The following MYO18B variants were observed in gnomAD, a reference collection of about 807,000 sequenced individuals.
MYO18B encodes myosin XVIIIB.
Under a neutral mutation model 273.0 loss-of-function variants are expected in MYO18B, and 204 were observed. The ratio of observed to expected loss-of-function variants is 0.75; its 90% CI spans 0.67 to 0.84. MYO18B has a LOEUF of 0.84. MYO18B is among the 40% of genes least tolerant of loss of function. The pLI is 0.00. For missense variants in MYO18B, 3,212 were observed against 3,287.6 expected (o/e 0.98, Z 0.56); for synonymous variants, 1,330 against 1,305.7 (o/e 1.02, Z -0.40).
At chr22:25,803,031 T>C (rs5761214) in intron 12 of MYO18B, among the ~76,000 whole-genome samples, 9,872 of 150,992 alleles carry the variant, frequency 0.065, 560 homozygotes, top group East Asian at 0.2. Context: ...GCGCGATCTC[T>C]GCTCACTGCA....
At chr22:25,967,815 G>C (rs769931219) in intron 39 of MYO18B, among the ~76,000 whole-genome samples, 2 of 152,206 alleles carry the variant, frequency 1.3e-5, no homozygotes, top group Non-Finnish European at 2.9e-5. Flanking sequence ...TGAATTCGGT[G>C]TGCTGGGGTC....
At chr22:25,993,496 G>A (rs1932918566) in intron 40 of MYO18B, among the ~76,000 whole-genome samples, 1 of 152,196 alleles carries the variant, frequency 6.6e-6, no homozygotes, top group Non-Finnish European at 1.5e-5. Flanking sequence ...CTTCCTCTCT[G>A]CGAAGGCTGT....
chr22:25,894,490 AAC>A (rs1459868013), intron 27 of MYO18B, among the ~76,000 whole-genome samples: 2 of 152,236 alleles, frequency 1.3e-5, no homozygotes, highest in African/African-American at 4.8e-5. Context: ...TAATCAGTCA[AAC>A]AGTTTTAATC....
intron 34 of MYO18B, among the ~76,000 whole-genome samples, chr22:25,945,152 C>T (rs917035425): frequency 6.6e-6 from 1 of 152,196 alleles, no homozygotes; most frequent in Non-Finnish European, 1.5e-5. Context: ...TAAATGCTCA[C>T]ATGCAGAATA....
chr22:25,752,933 G>GCTTAGCAC (rs1206122494), intron 1 of MYO18B, among the ~76,000 whole-genome samples: 1 of 152,210 alleles, frequency 6.6e-6, no homozygotes, highest in Non-Finnish European at 1.5e-5. Flanking sequence ...ACAGTGAGGC[G>GCTTAGCAC]CTTAGCACCC....
intron 17 of MYO18B, among the ~76,000 whole-genome samples, chr22:25,839,572 T>C (rs1248075933): frequency 6.6e-6 from 1 of 152,166 alleles, no homozygotes; most frequent in Non-Finnish European, 1.5e-5. Flanking sequence ...GACTGAGTCC[T>C]TGCTGAGGTC....
At chr22:25,975,350 G>A (rs1009272966) in intron 39 of MYO18B, among the ~76,000 whole-genome samples, 1 of 152,174 alleles carries the variant, frequency 6.6e-6, no homozygotes, top group African/African-American at 2.4e-5. Flanking sequence ...TAGCTTCAAC[G>A]TCTTTATGTT....
In MYO18B at chr22:26,004,770, T is replaced by C. The variant is rs1426980122; in HGVS notation, c.6385T>C (p.Leu2129=). ...GCCAGAGGGCAGCCTGCAGTCCTGGTTGAGCTGTACTCTGTCCCTGGCCAC... is the reference window on the plus strand; with the variant it reads ...GCCAGAGGGCAGCCTGCAGTCCTGGCTGAGCTGTACTCTGTCCCTGGCCAC... ...SQPEGSLQSW[L]SCTLSLATDT... is the part of the protein sequence containing the mutation. The change falls in exon 42 of 44, where the codon TTG becomes CTG. Residue 2129 remains leucine (L), a synonymous_variant. Transcript: ENST00000335473. 2.5e-6 allele frequency: 4 copies of C among 1,613,826 alleles called. No homozygotes were observed. Among genetic ancestry groups the C allele is most frequent in the Non-Finnish European group, 3.4e-6 (4 of 1,179,832 alleles).
intron 25 of MYO18B, among the ~76,000 whole-genome samples, 164 bp from the exon 26 acceptor site, chr22:25,890,592 A>G (rs2091631026): frequency 6.6e-6 from 1 of 152,216 alleles, no homozygotes; most frequent in South Asian, 2.1e-4. Context: ...AACCACATCA[A>G]GACCAATAAA....
downstream of MYO18B, among the ~76,000 whole-genome samples, chr22:26,034,661 T>C (rs1207194059): frequency 1.3e-5 from 2 of 152,206 alleles, no homozygotes; most frequent in South Asian, 2.1e-4. Flanking sequence ...CATGAATCCA[T>C]GTGGATTAAA....
At chr22:25,859,783 A>G (rs2090677761) in intron 21 of MYO18B, among the ~76,000 whole-genome samples, 1 of 152,090 alleles carries the variant, frequency 6.6e-6, no homozygotes, top group Non-Finnish European at 1.5e-5. Flanking sequence ...GTATCTTTGA[A>G]AATATTTTCT....
intron 21 of MYO18B, among the ~76,000 whole-genome samples, chr22:25,852,402 T>TGAAC (rs2090451563): frequency 6.6e-6 from 1 of 151,626 alleles, no homozygotes; most frequent in Non-Finnish European, 1.5e-5. Flanking sequence ...AGTTAATGAA[T>TGAAC]GAATGAATGA....
intron 39 of MYO18B, among the ~76,000 whole-genome samples, chr22:25,967,521 A>C (rs1305049548): frequency 4.0e-5 from 6 of 151,304 alleles, no homozygotes; most frequent in African/African-American, 1.2e-4. Context: ...GAGCTTAAAC[A>C]ATAAGAAAGG....
At chr22:25,894,881 G>A (rs1473403404) in intron 27 of MYO18B, 1 of 302,834 alleles carries the variant, frequency 3.3e-6, no homozygotes, top group East Asian at 6.2e-5. Flanking sequence ...TACACTTATA[G>A]AGACAACTAA....
At chr22:26,042,930 G>A in the MYO18B span, among the ~76,000 whole-genome samples, 1 of 152,130 alleles carries the variant, frequency 6.6e-6, no homozygotes, top group Non-Finnish European at 1.5e-5. Flanking sequence ...TTTTTGTTGA[G>A]ATCTACTTTG....
Position 25,744,672 on chromosome 22 carries a change from T to G in MYO18B, c.-110+2379T>G, listed in dbSNP as rs182620954. 8.4e-3 allele frequency among the ~76,000 whole-genome samples: 1,273 copies of G among 152,094 alleles called. 13 individuals carry two copies. Among genetic ancestry groups the G allele is most frequent in the South Asian group, 0.019 (90 of 4,818 alleles). ...TGGCATGAACCTGGGAGGTGGAGCT[T>G]GCAGTGAGCCGAGATCACGCCATTG... On this transcript the variant is annotated intron_variant, in intron 1 of 43. Coordinates refer to ENST00000335473, the MANE Select transcript of MYO18B (RefSeq NM_032608.7).
chr22:25,833,548 C>T (rs2089790357), intron 16 of MYO18B, among the ~76,000 whole-genome samples: 1 of 152,222 alleles, frequency 6.6e-6, no homozygotes, highest in African/African-American at 2.4e-5. Flanking sequence ...CTCTGCTCGA[C>T]TCAGAACTGC....
intron 39 of MYO18B, chr22:25,964,414 T>C (rs1365950676): frequency 6.6e-6 from 1 of 152,240 alleles, no homozygotes; most frequent in Non-Finnish European, 1.5e-5. Flanking sequence ...AGTGCGGGTC[T>C]GACCGACTCA....
At chr22:26,044,504 G>A in the MYO18B span, among the ~76,000 whole-genome samples, 3 of 152,110 alleles carry the variant, frequency 2.0e-5, no homozygotes, top group South Asian at 6.2e-4. Flanking sequence ...AATATACTAG[G>A]GACATATTAA....
Sources: gnomAD v4.1 joint callset for allele counts (sites outside exome capture counted in the v4.1 genomes callset) on GRCh38, gnomAD v4.1.1 for gene constraint, MANE v1.5 for transcripts, NCBI Gene and HGNC (gene_info 2026-07-23, HGNC 2026-07-21) for gene names.